FBRS: variants seen among roughly 807,000 people sequenced by gnomAD.
FBRS encodes the protein fibrosin.
FBRS carries 15 observed loss-of-function variants against 86.1 expected under a neutral mutation model. That is an observed-to-expected ratio of 0.17 (90% CI 0.12 to 0.27). The LOEUF (loss-of-function observed/expected upper bound fraction) is 0.27. Ranked by LOEUF, FBRS falls within the 10% of genes least tolerant of loss-of-function variation. The probability of loss-of-function intolerance (pLI) is 1.00; values close to 1 mark genes in which losing one functional copy is unlikely to be tolerated. For missense variants in FBRS, 1,367 were observed against 1,301.6 expected (o/e 1.05, Z -0.77); for synonymous variants, 666 against 575.8 (o/e 1.16, Z -2.24).
chr16:30,669,527 C>T lies in FBRS; in HGVS notation c.2825C>T (p.Pro942Leu), dbSNP rs777946561. Residue 942 changes from proline (P) to leucine (L), a missense_variant, in exon 18 of 18, where the codon CCT becomes CTT. Transcript: ENST00000356166. The surrounding 1 kb of genome is among the most constrained non-coding windows in gnomAD (Gnocchi z 5.9). ...CCACCTGCTGCGGCCCCGGGAACCCCTCACCTTCTCAGCAAGACCCCACCG... is the reference window on the plus strand; with the variant it reads ...CCACCTGCTGCGGCCCCGGGAACCCTTCACCTTCTCAGCAAGACCCCACCG... Reference protein sequence around the residue: ...PPPPAAAPGTPHLLSKTPPGA... With the variant: ...PPPPAAAPGTLHLLSKTPPGA... 1 of 1,613,074 alleles carries T rather than the reference C, an allele frequency of 6.2e-7. No homozygotes were observed. The highest frequency in any genetic ancestry group is 8.5e-7 in the Non-Finnish European group (1 of 1,179,804).
chr16:30,669,606 C>T lies in FBRS; in HGVS notation c.2904C>T (p.Ser968=). The T allele has an allele frequency of 4.3e-6, 7 of 1,609,320 alleles. No individual in the cohort carries two copies. The highest frequency in any genetic ancestry group is 5.9e-6 in the Non-Finnish European group (7 of 1,179,126). Residue 968 remains serine, a synonymous_variant, in exon 18 of 18, where the codon TCC becomes TCT. Coordinates refer to ENST00000356166, the MANE Select transcript of FBRS (RefSeq NM_001105079.3). The surrounding 1 kb of genome is among the most constrained non-coding windows in gnomAD (Gnocchi z 5.9). The part of the protein sequence containing the change: ...PPLVPAPRPS[S]PPRGPGPARA... The stretch of plus-strand genomic sequence containing the variant: ...TTGTGCCCGCCCCCCGGCCCAGTTC[C>T]CCACCTAGGGGCCCTGGCCCAGCTC...
Position 30,664,237 on chromosome 16 carries a change from GC to G in FBRS, c.1082del (p.Pro361ArgfsTer96). 7.1e-7 allele frequency: 1 copy of G among 1,405,554 alleles called. No individual in the cohort carries two copies. Among genetic ancestry groups the G allele is most frequent in the Non-Finnish European group, 9.4e-7 (1 of 1,064,706 alleles). 87.1% of individuals were successfully genotyped at this position (1,405,554 alleles called of 1,614,324 possible). A position where few individuals can be genotyped will look rare whatever the true frequency, so the allele number is the denominator to read the frequency against. On this transcript the variant is annotated frameshift_variant, in exon 7 of 18. Transcript: ENST00000356166. LOFTEE classifies it high-confidence loss of function. Reference protein sequence around the residue: ...TGSSSRPPPKAPAPPVAQPPP... With the variant: ...TGSSSRPPPKXPAPPVAQPPP... ...CAGCTCTTCACGGCCGCCCCCCAAGGCCCCGGCCCCTCCCGTGGCTCAGCCT... is the reference window on the plus strand; with the variant it reads ...CAGCTCTTCACGGCCGCCCCCCAAGGCCCGGCCCCTCCCGTGGCTCAGCCT...
chr16:30,663,030 A>G (rs902083924), intron 6 of FBRS, 171 bp downstream of exon 6: 131 of 1,187,044 alleles, frequency 1.1e-4, no homozygotes, highest in Non-Finnish European at 1.2e-4. Flanking sequence ...TCCGTTACAC[A>G]TTCCCATGCA....
intron 13 of FBRS, 44 bp from the exon 14 acceptor site, chr16:30,667,276 G>T: frequency 1.4e-6 from 2 of 1,424,672 alleles, no homozygotes; most frequent in South Asian, 2.6e-5. Flanking sequence ...AGGGGGACCA[G>T]ACTGGCTCCT....
chr16:30,667,505 C>T, intron 14 of FBRS, 37 bp from the exon 15 acceptor site: 1 of 1,518,446 alleles, frequency 6.6e-7, no homozygotes, highest in Non-Finnish European at 8.9e-7. Context: ...CTTGTGCCCA[C>T]TCAGCCTCAT....
rs1023059597 is a variant in FBRS at position 30,670,465 on chromosome 16, C to T, written c.*820C>T. ...CTCCACCACCTCTTAATGGCTCAGT[C>T]CCCTTCACCCCATTTCCAAGTGCCC... On this transcript the variant is annotated 3_prime_UTR_variant, in exon 18 of 18. Coordinates refer to ENST00000356166, the MANE Select transcript of FBRS (RefSeq NM_001105079.3). 6.0e-6 allele frequency: 2 copies of T among 335,434 alleles called. No homozygotes were observed. Among genetic ancestry groups the T allele is most frequent in the South Asian group, 2.3e-5 (1 of 44,150 alleles). The allele number at this position is 335,434 out of a possible 1,614,324, so 20.8% of individuals were successfully genotyped here. A position where few individuals can be genotyped will look rare whatever the true frequency, so the allele number is the denominator to read the frequency against.
In FBRS at chr16:30,660,400, G is replaced by T; in HGVS notation, c.597G>T (p.Gly199=). The T allele has an allele frequency of 7.9e-7, 1 of 1,261,336 alleles. No individual in the cohort carries two copies. 78.1% of individuals were successfully genotyped at this position (1,261,336 alleles called of 1,614,324 possible). A position where few individuals can be genotyped will look rare whatever the true frequency, so the allele number is the denominator to read the frequency against. ...SSDREPGRPP[G]DRARKWPNKR... ...ATCGAGAGCCTGGCCGGCCCCCTGGGGATCGGGCCCGAAAATGGCCCAATA... is the reference window on the plus strand; with the variant it reads ...ATCGAGAGCCTGGCCGGCCCCCTGGTGATCGGGCCCGAAAATGGCCCAATA... Residue 199 remains glycine, a synonymous_variant, in exon 2 of 18, where the codon GGG becomes GGT. Transcript: ENST00000356166.
chr16:30,660,503 C>T (rs939757701), intron 2 of FBRS, 61 bp downstream of exon 2: 50 of 1,256,144 alleles, frequency 4.0e-5, no homozygotes, highest in Non-Finnish European at 4.4e-5. Flanking sequence ...CGTTTTTCAT[C>T]AGCAACGCCA....
In FBRS at chr16:30,666,549, G is replaced by A. The variant is rs764213377; in HGVS notation, c.1803+8G>A. On this transcript the variant is annotated splice_region_variant and intron_variant, in intron 12 of 17. Transcript: ENST00000356166. ...TTCCGGCCACCTTTGAGGGTGAGTT[G>A]TGTGAGGACCTCAGGCTGCATGAGG... is the stretch of plus-strand genomic sequence containing the variant. 6.2e-7 allele frequency: 1 copy of A among 1,614,026 alleles called. No individual in the cohort carries two copies. The highest frequency in any genetic ancestry group is 1.1e-5 in the South Asian group (1 of 91,086).
At chr16:30,664,683 G>A in intron 7 of FBRS, 32 bp from the exon 8 acceptor site, 2 of 1,484,408 alleles carry the variant, frequency 1.3e-6, no homozygotes, top group Non-Finnish European at 9.0e-7. Flanking sequence ...TGTGGCGACA[G>A]CATTAAAGCC....
Position 30,664,265 on chromosome 16 carries a change from C to A in FBRS, c.1106C>A (p.Pro369His). The A allele has an allele frequency of 6.7e-7, 1 of 1,489,378 alleles. No individual in the cohort carries two copies. Among genetic ancestry groups the A allele is most frequent in the South Asian group, 1.3e-5 (1 of 76,138 alleles). The allele number at this position is 1,489,378 out of a possible 1,614,324, so 92.3% of individuals were successfully genotyped here. The change falls in exon 7 of 18, where the codon CCC becomes CAC. Residue 369 changes from proline (P) to histidine (H), a missense_variant. Physicochemically the swap from Pro to His is moderately conservative, Grantham distance 77. Coordinates refer to ENST00000356166, the MANE Select transcript of FBRS (RefSeq NM_001105079.3). ...CCGGCCCCTCCCGTGGCTCAGCCTC[C>A]CCCCTCATCATCCTCTTCGTCCTCC... ...KAPAPPVAQP[P>H]PSSSSSSSSS... is the part of the protein sequence containing the mutation.
At position 30,670,292 on chromosome 16, in the gene FBRS, C is replaced by T; in HGVS notation, c.*647C>T. 1 of 435,920 alleles carries T rather than the reference C, an allele frequency of 2.3e-6. No homozygotes were observed. Among genetic ancestry groups the T allele is most frequent in the Non-Finnish European group, 4.6e-6 (1 of 216,906 alleles). 27.0% of individuals were successfully genotyped at this position (435,920 alleles called of 1,614,324 possible). On this transcript the variant is annotated 3_prime_UTR_variant, in exon 18 of 18. Coordinates refer to ENST00000356166, the MANE Select transcript of FBRS (RefSeq NM_001105079.3). ...CTTCTCCCTGGGAAGGTGGGGCCAG[C>T]AGGAGATGACCAACAGGGGGCAGGA...
At chr16:30,661,734 G>T (rs531089651) in intron 4 of FBRS, among the ~76,000 whole-genome samples, 1 of 152,186 alleles carries the variant, frequency 6.6e-6, no homozygotes, top group Non-Finnish European at 1.5e-5. Flanking sequence ...ATTGTAGTCA[G>T]TGTAGGGACT....
In FBRS at chr16:30,667,524, C is replaced by T. The variant is rs1487875293; in HGVS notation, c.1994-18C>T. The T allele has an allele frequency of 2.0e-6, 3 of 1,525,772 alleles. No individual in the cohort carries two copies. The African/African-American group carries it at 4.2e-5, about 21-fold the overall frequency. The allele number at this position is 1,525,772 out of a possible 1,614,324, so 94.5% of individuals were successfully genotyped here. A position where few individuals can be genotyped will look rare whatever the true frequency, so the allele number is the denominator to read the frequency against. On this transcript the variant is annotated intron_variant, in intron 14 of 17. Coordinates refer to ENST00000356166, the MANE Select transcript of FBRS (RefSeq NM_001105079.3). ...TGCCCACTCAGCCTCATCAGAATCTCCCACCTCTCTGCCCCAGGTGCCGTC... is the reference window on the plus strand; with the variant it reads ...TGCCCACTCAGCCTCATCAGAATCTTCCACCTCTCTGCCCCAGGTGCCGTC...
chr16:30,659,647 G>T lies in FBRS; in HGVS notation c.129G>T (p.Ala43=), dbSNP rs1275502742. ...QRRRRGPGGD[A]PRALLAAPRG... is the part of the protein sequence containing the mutation. ...GCCGCCGAGGTCCAGGCGGCGACGC[G>T]CCCCGGGCCCTGTTGGCCGCCCCGC... is the stretch of plus-strand genomic sequence containing the variant. Residue 43 remains alanine, a synonymous_variant, in exon 1 of 18, where the codon GCG becomes GCT. Transcript: ENST00000356166. 6.4e-6 allele frequency: 3 copies of T among 470,144 alleles called. No individual in the cohort carries two copies. The highest frequency in any genetic ancestry group is 1.1e-5 in the Non-Finnish European group (3 of 279,846). The allele number at this position is 470,144 out of a possible 1,614,324, so 29.1% of individuals were successfully genotyped here.
chr16:30,661,304 T>C lies in FBRS; in HGVS notation c.676T>C (p.Cys226Arg). ...SRHSLEAGYI[C>R]DAESDLDERV... The stretch of plus-strand genomic sequence containing the variant: ...CACCTCTGTCTTTCCTTCTCCCCAG[T>C]GTGACGCGGAAAGTGATCTGGACGA... Residue 226 changes from cysteine to arginine, a missense_variant and splice_region_variant, in exon 4 of 18, where the codon TGT (cysteine) becomes CGT (arginine). Around this residue, in one of 3 missense-constraint regions of FBRS, gnomAD observed 702 missense variants for 598.7 expected, o/e 1.17. Coordinates refer to ENST00000356166, the MANE Select transcript of FBRS (RefSeq NM_001105079.3). The C allele has an allele frequency of 6.4e-7, 1 of 1,550,540 alleles. No individual in the cohort carries two copies. Among genetic ancestry groups the C allele is most frequent in the Non-Finnish European group, 8.7e-7 (1 of 1,146,998 alleles).
Position 30,669,380 on chromosome 16 carries a change from G to A in FBRS, c.2678G>A (p.Arg893Lys), listed in dbSNP as rs1386044217. ...TWLAAPPRLA[R>K]PPRFYEAGEE... ...TTGGCAGCACCCCCACGCCTGGCAA[G>A]GCCACCCCGCTTCTATGAGGCGGGT... Residue 893 changes from arginine (R) to lysine (K), a missense_variant, in exon 18 of 18, where the codon AGG (arginine) becomes AAG (lysine). By Grantham distance (26) the Arg-to-Lys change is conservative. This residue lies in a region of FBRS where 659 missense variants were observed against 678.8 expected (regional missense o/e 0.97). Transcript: ENST00000356166. This position sits in a 1 kb window ranked among gnomAD's most constrained non-coding sequence, Gnocchi z 5.9. 6.2e-7 allele frequency: 1 copy of A among 1,612,664 alleles called. No individual in the cohort carries two copies. The highest frequency in any genetic ancestry group is 1.3e-5 in the African/African-American group (1 of 74,910).
rs1364888709 is a variant in FBRS, at chr16:30,658,657, T to G, written c.-862T>G. On this transcript the variant is annotated 5_prime_UTR_variant, in exon 1 of 18. Transcript: ENST00000356166. ...ACAGGGGAGCTGTACCCGTCACCGTTGCCTCACATCCGGGGCTTTGGAGGG... is the reference window on the plus strand; with the variant it reads ...ACAGGGGAGCTGTACCCGTCACCGTGGCCTCACATCCGGGGCTTTGGAGGG... 1 of 152,282 alleles carries G rather than the reference T, an allele frequency of 6.6e-6. No individual in the cohort carries two copies. Among genetic ancestry groups the G allele is most frequent in the Non-Finnish European group, 1.5e-5 (1 of 68,078 alleles). 9.4% of individuals were successfully genotyped at this position (152,282 alleles called of 1,614,324 possible). A position where few individuals can be genotyped will look rare whatever the true frequency, so the allele number is the denominator to read the frequency against.
rs1408910693 is a variant in FBRS, at chr16:30,669,193, G to T, written c.2491G>T (p.Ala831Ser). 1.9e-6 allele frequency: 3 copies of T among 1,545,914 alleles called. No individual in the cohort carries two copies. The highest frequency in any genetic ancestry group is 2.0e-5 in the Admixed American group (1 of 50,642). ...VRVKEERKEE[A>S]AAAAAAAAAA... ...GGTAAAGGAAGAGCGGAAGGAGGAG[G>T]CTGCCGCCGCCGCTGCCGCTGCTGC... is the stretch of plus-strand genomic sequence containing the variant. Residue 831 changes from alanine to serine, a missense_variant, in exon 18 of 18, where the codon GCT (alanine) becomes TCT (serine). Around this residue, in one of 3 missense-constraint regions of FBRS, gnomAD observed 659 missense variants for 678.8 expected, o/e 0.97. Transcript: ENST00000356166. The surrounding 1 kb of genome is among the most constrained non-coding windows in gnomAD (Gnocchi z 5.9).
Sources: allele counts gnomAD v4.1 joint callset (sites outside exome capture counted in the v4.1 genomes callset), GRCh38; gene constraint gnomAD v4.1.1; regional missense constraint gnomAD v4.1.1; non-coding constraint Gnocchi (gnomAD v3.1); transcripts MANE v1.5; gene names NCBI Gene and HGNC (gene_info 2026-07-23, HGNC 2026-07-21).